The following ADCY8 variants were observed in gnomAD, a reference collection of about 807,000 sequenced individuals.
ADCY8 encodes adenylate cyclase 8.
ADCY8 carries 51 observed loss-of-function variants against 119.7 expected under a neutral mutation model. The observed-to-expected ratio is 0.43, with a 90% CI of 0.34 to 0.54. The LOEUF is 0.54. Ranked by LOEUF, ADCY8 falls within the 20% of genes least tolerant of loss-of-function variation. The pLI, the probability that ADCY8 is intolerant of heterozygous loss-of-function variation, is 0.03. For synonymous variants in ADCY8, 665 were observed against 651.0 expected, an observed-to-expected ratio of 1.02 and a Z score of -0.33; for missense variants, 1,383 against 1,598.8, an observed-to-expected ratio of 0.87 and a Z score of 2.30.
At chr8:130,885,452 A>C (rs1818946721) in intron 7 of ADCY8, among the ~76,000 whole-genome samples, 2 of 152,098 alleles carry the variant, frequency 1.3e-5, no homozygotes, top group South Asian at 4.2e-4. Flanking sequence ...ACACAGCACG[A>C]GACGGGGAAA....
chr8:130,886,369 G>A (rs1273309652), intron 7 of ADCY8, among the ~76,000 whole-genome samples: 1 of 152,052 alleles, frequency 6.6e-6, no homozygotes, highest in Admixed American at 6.6e-5. Context: ...TAGGAGAAGG[G>A]CTGGAGCAGA....
intron 10 of ADCY8, among the ~76,000 whole-genome samples, chr8:130,848,041 G>A (rs1817386981): frequency 6.6e-6 from 1 of 152,222 alleles, no homozygotes; most frequent in Non-Finnish European, 1.5e-5. Flanking sequence ...CTCTGTGCCA[G>A]ACACTTTGTA....
intron 5 of ADCY8, among the ~76,000 whole-genome samples, chr8:130,928,422 T>A (rs866548432): frequency 2.3e-4 from 35 of 152,290 alleles, no homozygotes; most frequent in Non-Finnish European, 2.8e-4. Flanking sequence ...GTCATATACA[T>A]GGCCTTTATT....
At chr8:130,862,979 T>C (rs1235459928) in intron 9 of ADCY8, among the ~76,000 whole-genome samples, 1 of 152,228 alleles carries the variant, frequency 6.6e-6, no homozygotes, top group Non-Finnish European at 1.5e-5. Flanking sequence ...GGTGGAATAG[T>C]CTATTAATAT....
chr8:130,874,861 C>T (rs927181972), intron 8 of ADCY8, among the ~76,000 whole-genome samples: 2 of 152,106 alleles, frequency 1.3e-5, no homozygotes, highest in East Asian at 1.9e-4. Context: ...TCCAGCCCCC[C>T]ACCCACACCC....
At chr8:130,782,847 T>C (rs1815127861) in intron 17 of ADCY8, among the ~76,000 whole-genome samples, 1 of 152,206 alleles carries the variant, frequency 6.6e-6, no homozygotes, top group Non-Finnish European at 1.5e-5. Flanking sequence ...GAGAAGCAGA[T>C]AAAGTAAAAT....
At chr8:130,831,266 C>A (rs189587637) in intron 12 of ADCY8, among the ~76,000 whole-genome samples, 1 of 152,118 alleles carries the variant, frequency 6.6e-6, no homozygotes, top group East Asian at 1.9e-4. Context: ...TTTCATTCTG[C>A]AAATATTTAA....
chr8:130,814,084 C>T lies in ADCY8; in HGVS notation c.2898G>A (p.Lys966=), dbSNP rs1039682999. Residue 966 remains lysine, a synonymous_variant, in exon 14 of 18, where the codon AAG becomes AAA. Transcript: ENST00000286355. The part of the protein sequence containing the change: ...PSHVARHFLE[K]DRDNEELYSQ... ...CCTGGCTCACCTCATTGTCTCGGTC[C>T]TTCTCTAGGAAATGGCGGGCCACAT... 1.9e-6 allele frequency: 3 copies of T among 1,614,036 alleles called. No homozygotes were observed. The highest frequency in any genetic ancestry group is 1.7e-6 in the Non-Finnish European group (2 of 1,180,034).
intron 2 of ADCY8, among the ~76,000 whole-genome samples, chr8:130,954,076 A>G (rs1821353078): frequency 6.6e-6 from 1 of 152,202 alleles, no homozygotes; most frequent in Admixed American, 6.6e-5. Context: ...ATGCCACTGC[A>G]TCTGCACTTG....
rs1406713418 is a variant in ADCY8, at chr8:130,997,778, C to T, written c.961-7236G>A. Among the ~76,000 whole-genome samples the T allele has an allele frequency of 3.9e-5, 6 of 152,148 alleles. No homozygotes were observed. The East Asian group carries it at 7.7e-4, about 20-fold the overall frequency. ...TTGTGGCAGTAGCAGATTGGTAGTT[C>T]CATGAAGGGTTAAATGCATATGGTG... On this transcript the variant is annotated intron_variant, in intron 1 of 17. Coordinates refer to ENST00000286355, the MANE Select transcript of ADCY8 (RefSeq NM_001115.3).
intron 15 of ADCY8, among the ~76,000 whole-genome samples, chr8:130,793,248 C>T (rs527786239): frequency 1.3e-5 from 2 of 152,230 alleles, no homozygotes; most frequent in South Asian, 2.1e-4. Context: ...CTCAGTAAGC[C>T]CTTTCTCAGA....
At position 130,882,500 on chromosome 8, in the gene ADCY8, C is replaced by T. The variant is rs199946013; in HGVS notation, c.2109+2064G>A. ...ACAGCACGGGATTGTCTTCTTCGTA[C>T]GAAACCCTGGGAAATCAAGTCCTGG... On this transcript the variant is annotated intron_variant, in intron 8 of 17. Coordinates refer to ENST00000286355, the MANE Select transcript of ADCY8 (RefSeq NM_001115.3). Among the ~76,000 whole-genome samples, 25 of 152,218 alleles carry T rather than the reference C, an allele frequency of 1.6e-4. No homozygotes were observed. The East Asian group carries it at 2.7e-3, about 16-fold the overall frequency.
At position 130,849,753 on chromosome 8, in the gene ADCY8, G is replaced by A. The variant is rs1409191198; in HGVS notation, c.2261C>T (p.Ala754Val). 4 of 1,613,780 alleles carry A rather than the reference G, an allele frequency of 2.5e-6. No homozygotes were observed. The East Asian group carries it at 6.7e-5, about 27-fold the overall frequency. Residue 754 changes from alanine (A) to valine (V), a missense_variant, in exon 10 of 18, where the codon GCT (alanine) becomes GTT (valine). Physicochemically the swap from Ala to Val is moderately conservative, Grantham distance 64. Around this residue, in one of 2 missense-constraint regions of ADCY8, gnomAD observed 928 missense variants for 1,163.5 expected, o/e 0.80. Coordinates refer to ENST00000286355, the MANE Select transcript of ADCY8 (RefSeq NM_001115.3). ...QFSILIMLHS[A>V]LVLITTAEDY... Reference sequence around the variant, plus strand: ...CTCTGCTGTGGTGATGAGGACCAGAGCCGAGTGCAGCATAATCAGAATGGA... The same window carrying A: ...CTCTGCTGTGGTGATGAGGACCAGAACCGAGTGCAGCATAATCAGAATGGA...
chr8:130,829,093 T>C (rs1279212133), intron 12 of ADCY8, among the ~76,000 whole-genome samples: 1 of 152,176 alleles, frequency 6.6e-6, no homozygotes, highest in East Asian at 1.9e-4. Context: ...CAAATCCCAA[T>C]TACCTAGTTC....
intron 2 of ADCY8, among the ~76,000 whole-genome samples, chr8:130,972,878 A>G (rs1821965209): frequency 1.4e-5 from 2 of 146,584 alleles, no homozygotes; most frequent in South Asian, 4.2e-4. Context: ...ATAAGGAGAT[A>G]AGCATCAGTT....
chr8:130,824,382 A>T (rs1043256048), intron 12 of ADCY8, among the ~76,000 whole-genome samples: 4 of 152,194 alleles, frequency 2.6e-5, no homozygotes, highest in Non-Finnish European at 4.4e-5. Context: ...GTTGTTAAAA[A>T]ATTTAACTTA....
At chr8:131,018,383 T>A (rs942143126) in intron 1 of ADCY8, among the ~76,000 whole-genome samples, 1 of 152,252 alleles carries the variant, frequency 6.6e-6, no homozygotes. Context: ...GCTTCTTTCT[T>A]GTGCTTTGTC....
chr8:130,898,739 A>G (rs185375550), intron 7 of ADCY8, among the ~76,000 whole-genome samples: 2 of 152,344 alleles, frequency 1.3e-5, no homozygotes, highest in Non-Finnish European at 2.9e-5. Flanking sequence ...CACTTGTCAT[A>G]AAAATCCAGT....
At chr8:130,889,323 C>G (rs1295748746) in intron 7 of ADCY8, among the ~76,000 whole-genome samples, 1 of 152,082 alleles carries the variant, frequency 6.6e-6, no homozygotes, top group Non-Finnish European at 1.5e-5. Context: ...ACTTTGTAAC[C>G]ACAATAAATG....
Sources: gnomAD v4.1 joint callset for allele counts (sites outside exome capture counted in the v4.1 genomes callset) on GRCh38, gnomAD v4.1.1 for gene constraint, gnomAD v4.1.1 regional missense constraint, MANE v1.5 for transcripts, NCBI Gene and HGNC (gene_info 2026-07-23, HGNC 2026-07-21) for gene names.